STAB2: variants seen among roughly 807,000 people sequenced by gnomAD.
STAB2 encodes stabilin 2, also known as stabilin-2.
In STAB2, 288 loss-of-function variants were observed where a neutral mutation model predicts 338.1. The ratio of observed to expected loss-of-function variants is 0.85; its 90% CI spans 0.77 to 0.94. The LOEUF (loss-of-function observed/expected upper bound fraction) is 0.94. STAB2 is among the 40% of genes least tolerant of loss of function. The probability of loss-of-function intolerance (pLI) is 0.00; values close to 1 mark genes in which losing one functional copy is unlikely to be tolerated. For missense variants in STAB2, 3,141 were observed against 3,210.1 expected, an observed-to-expected ratio of 0.98 and a Z score of 0.52; for synonymous variants, 1,202 against 1,193.3, an observed-to-expected ratio of 1.01 and a Z score of -0.15.
At chr12:103,730,737 C>A (rs1881569597) in intron 49 of STAB2, among the ~76,000 whole-genome samples, 1 of 152,084 alleles carries the variant, frequency 6.6e-6, no homozygotes, top group African/African-American at 2.4e-5. Flanking sequence ...AGCAGAGCAG[C>A]CCAAGGAGGT....
chr12:103,648,821 T>C lies in STAB2; in HGVS notation c.1172T>C (p.Leu391Pro). The C allele has an allele frequency of 1.2e-6, 2 of 1,613,772 alleles. No individual in the cohort carries two copies. Among genetic ancestry groups the C allele is most frequent in the Non-Finnish European group, 1.7e-6 (2 of 1,179,800 alleles). ...AGGCTGACCTCTTTCATCTCACTCC[T>C]AGGTACGCAGCTATGGGTACAGATT... The part of the protein sequence containing the change: ...QGRLTSFISL[L>P]DKAYAWPLSK... Residue 391 changes from leucine (L) to proline (P), a missense_variant and splice_region_variant, in exon 10 of 69, where the codon CTA becomes CCA. Coordinates refer to ENST00000388887, the MANE Select transcript of STAB2 (RefSeq NM_017564.10).
intron 3 of STAB2, among the ~76,000 whole-genome samples, chr12:103,618,507 G>T (rs1343477343): frequency 6.6e-6 from 1 of 152,288 alleles, no homozygotes; most frequent in East Asian, 1.9e-4. Context: ...TATTTTCCAC[G>T]GATGCTGATT....
chr12:103,602,799 T>C (rs1004474261), intron 3 of STAB2, among the ~76,000 whole-genome samples: 2 of 152,210 alleles, frequency 1.3e-5, no homozygotes, highest in African/African-American at 4.8e-5. Flanking sequence ...ATTTAAGATA[T>C]TAGATGTGTG....
intron 61 of STAB2, chr12:103,754,979 G>T: frequency 3.7e-6 from 1 of 266,712 alleles, no homozygotes; most frequent in Non-Finnish European, 7.2e-6. Flanking sequence ...TCTATCATCA[G>T]AGTTCTACCA....
chr12:103,592,170 T>C (rs1956809101), intron 2 of STAB2: 1 of 152,170 alleles, frequency 6.6e-6, no homozygotes, highest in Admixed American at 6.5e-5. Context: ...TCTAATACGA[T>C]GATTGAAGTT....
intron 18 of STAB2, among the ~76,000 whole-genome samples, chr12:103,663,383 C>T (rs979430683): frequency 2.2e-5 from 3 of 137,168 alleles, no homozygotes; most frequent in Non-Finnish European, 4.7e-5. Flanking sequence ...ATGTTTCTTT[C>T]CTTGCCTCCT....
At chr12:103,765,504 T>C (rs1202414214) in intron 68 of STAB2, among the ~76,000 whole-genome samples, 1 of 152,242 alleles carries the variant, frequency 6.6e-6, no homozygotes, top group African/African-American at 2.4e-5. Flanking sequence ...ATTATGCTAA[T>C]TGACAAAGCC....
At position 103,690,530 on chromosome 12, in the gene STAB2, G is replaced by A; in HGVS notation, c.3289G>A (p.Val1097Met). Residue 1097 changes from valine (V) to methionine (M), a missense_variant, in exon 30 of 69, where the codon GTG (valine) becomes ATG (methionine). Transcript: ENST00000388887. ...GGGCAACTTCCTTCACTTGGCAAAG[G>A]TGGATGGGGTAAGAGCTCTGGAATT... ...LQGNFLHLAK[V>M]DGNITIEGAS... The A allele has an allele frequency of 6.2e-7, 1 of 1,613,866 alleles. No homozygotes were observed. The highest frequency in any genetic ancestry group is 8.5e-7 in the Non-Finnish European group (1 of 1,179,822).
chr12:103,711,138 AACCCAGAAGAGGGGTACACATCAAC>A (rs1385819354), intron 39 of STAB2, among the ~76,000 whole-genome samples: 3 of 152,356 alleles, frequency 2.0e-5, no homozygotes, highest in East Asian at 3.9e-4. Context: ...AGAAAATCAA[AACCCAGAAGAGGGGTACACATCAAC>A]ACCCAGACCA....
intron 15 of STAB2, 67 bp downstream of exon 15, chr12:103,655,648 G>A (rs1236772174): frequency 3.8e-6 from 6 of 1,579,758 alleles, no homozygotes; most frequent in African/African-American, 1.4e-5. Flanking sequence ...GTCTAAACAG[G>A]TTTTTCCTAA....
intron 19 of STAB2, among the ~76,000 whole-genome samples, chr12:103,667,451 C>T (rs763870744): frequency 6.6e-6 from 1 of 152,194 alleles, no homozygotes; most frequent in Non-Finnish European, 1.5e-5. Flanking sequence ...CCACCTTGTA[C>T]AAGGTCACAC....
At chr12:103,680,556 T>C (rs917906747) in intron 25 of STAB2, among the ~76,000 whole-genome samples, 50 of 152,208 alleles carry the variant, frequency 3.3e-4, no homozygotes, top group African/African-American at 1.2e-3. Context: ...GGTAACTTCC[T>C]CCAAAAAGCC....
At chr12:103,688,292 A>G in intron 28 of STAB2, 77 bp downstream of exon 28, 1 of 1,421,224 alleles carries the variant, frequency 7.0e-7, no homozygotes, top group Non-Finnish European at 9.9e-7. Context: ...TAGAAAACCG[A>G]AAATGCAGCT....
At position 103,619,823 on chromosome 12, in the gene STAB2, C is replaced by A. The variant is rs547337237; in HGVS notation, c.332-645C>A. On this transcript the variant is annotated intron_variant, in intron 3 of 68. Transcript: ENST00000388887. The stretch of plus-strand genomic sequence containing the variant: ...CCAGCCCCATAAAACTCTGTCATTC[C>A]CAGAACAGGTCATGCCCTTTTACAA... Among the ~76,000 whole-genome samples, 7 of 151,850 alleles carry A rather than the reference C, an allele frequency of 4.6e-5. No individual in the cohort carries two copies. In the South Asian group the frequency reaches 1.5e-3, roughly 32 times the overall value.
In STAB2 at chr12:103,637,429, C is replaced by T. The variant is rs139443627; in HGVS notation, c.709+193C>T. 3.3e-3 allele frequency among the ~76,000 whole-genome samples: 507 copies of T among 152,292 alleles called. 2 individuals are homozygous for T. The highest frequency in any genetic ancestry group is 5.6e-3 in the Non-Finnish European group (378 of 68,022). On this transcript the variant is annotated intron_variant, in intron 7 of 68. Coordinates refer to ENST00000388887, the MANE Select transcript of STAB2 (RefSeq NM_017564.10). ...AGCTTCTCCTTCTCTTATGAAAGCA[C>T]ATATAGAGATTTTTATGTTTCCATA...
At chr12:103,640,347 G>A (rs936217960) in intron 9 of STAB2, 91 bp downstream of exon 9, 2 of 1,525,804 alleles carry the variant, frequency 1.3e-6, no homozygotes, top group Admixed American at 3.6e-5. Flanking sequence ...GAGGAAATGT[G>A]TCTTATTCAG....
chr12:103,699,172 G>A lies in STAB2; in HGVS notation c.3659G>A (p.Arg1220His), dbSNP rs151309446. Residue 1220 changes from arginine to histidine, a missense_variant, in exon 34 of 69, where the codon CGT (arginine) becomes CAT (histidine). Arg to His is a conservative substitution (Grantham distance 29). Coordinates refer to ENST00000388887, the MANE Select transcript of STAB2 (RefSeq NM_017564.10). Reference protein sequence around the residue: ...LKNDLHNGMHRETMLGFSYFL... With the variant: ...LKNDLHNGMHHETMLGFSYFL... ...AATGACCTGCACAATGGCATGCATC[G>A]TGAGACCATGCTGGGTTTCTCCTAT... The A allele has an allele frequency of 4.0e-5, 65 of 1,613,290 alleles. No individual in the cohort carries two copies. Among genetic ancestry groups the A allele is most frequent in the East Asian group, 4.0e-4 (18 of 44,810 alleles).
intron 21 of STAB2, 108 bp from the exon 22 acceptor site, chr12:103,670,588 G>T: frequency 1.2e-6 from 1 of 844,414 alleles, no homozygotes; most frequent in Non-Finnish European, 2.0e-6. Flanking sequence ...GTCCCAGAGG[G>T]TCATGTCAAG....
chr12:103,758,146 TG>T, intron 63 of STAB2, 23 bp from the exon 64 acceptor site: 1 of 1,613,780 alleles, frequency 6.2e-7, no homozygotes, highest in Non-Finnish European at 8.5e-7. Flanking sequence ...CTGGCCCCTC[TG>T]ATGACTTCCT....
Sources: gnomAD v4.1 joint callset for allele counts (sites outside exome capture counted in the v4.1 genomes callset) on GRCh38, gnomAD v4.1.1 for gene constraint, MANE v1.5 for transcripts, NCBI Gene and HGNC (gene_info 2026-07-23, HGNC 2026-07-21) for gene names.